The following RAB38 variants were observed in gnomAD, a reference collection of about 807,000 sequenced individuals.
The protein encoded by RAB38 is ras-related protein Rab-38.
RAB38 carries 15 observed loss-of-function variants against 18.4 expected under a neutral mutation model. The observed-to-expected ratio is 0.82, with a 90% CI of 0.55 to 1.26. The LOEUF (loss-of-function observed/expected upper bound fraction) is 1.26, where lower values mean the gene tolerates loss of function less well. Among genes scored for constraint, RAB38 ranks in the 50% most tolerant of loss-of-function variants. RAB38 has a pLI of 0.00. For missense variants in RAB38, 294 were observed against 267.4 expected (o/e 1.10, Z -0.69); for synonymous variants, 101 against 104.4 (o/e 0.97, Z 0.20).
At chr11:87,833,919 G>A in the RAB38 span, among the ~76,000 whole-genome samples, 1 of 152,192 alleles carries the variant, frequency 6.6e-6, no homozygotes, top group Non-Finnish European at 1.5e-5. Context: ...TGCAATTAAG[G>A]TTATTACTCA....
chr11:87,876,110 TA>T, the RAB38 span, among the ~76,000 whole-genome samples: 1 of 151,606 alleles, frequency 6.6e-6, no homozygotes, highest in Non-Finnish European at 1.5e-5. Flanking sequence ...TAATTTCCTC[TA>T]ATATTTCAAT....
intron 1 of RAB38, among the ~76,000 whole-genome samples, chr11:88,163,194 G>A (rs1313722936): frequency 6.6e-6 from 1 of 151,880 alleles, no homozygotes; most frequent in Non-Finnish European, 1.5e-5. Context: ...TACTATATTC[G>A]GTGTCTCCAT....
At chr11:87,899,312 G>T in the RAB38 span, among the ~76,000 whole-genome samples, 5 of 151,596 alleles carry the variant, frequency 3.3e-5, no homozygotes, top group African/African-American at 1.2e-4. Flanking sequence ...GCAGATGAAA[G>T]GCACAGGGGC....
chr11:88,059,743 C>T, the RAB38 span, among the ~76,000 whole-genome samples: 2 of 152,188 alleles, frequency 1.3e-5, no homozygotes, highest in East Asian at 3.9e-4. Flanking sequence ...TCCTGGAGCT[C>T]CCTGACACCT....
chr11:88,050,836 T>A, the RAB38 span, among the ~76,000 whole-genome samples: 1 of 152,248 alleles, frequency 6.6e-6, no homozygotes, highest in East Asian at 1.9e-4. Context: ...ATATAATTAG[T>A]AACAGGAAGG....
the RAB38 span, among the ~76,000 whole-genome samples, chr11:87,913,119 C>T: frequency 2.0e-5 from 3 of 151,930 alleles, no homozygotes; most frequent in Admixed American, 6.6e-5. Flanking sequence ...TACAGTCTAA[C>T]TTGGTAAATG....
chr11:87,863,665 C>T, the RAB38 span, among the ~76,000 whole-genome samples: 1 of 151,728 alleles, frequency 6.6e-6, no homozygotes, highest in Non-Finnish European at 1.5e-5. Flanking sequence ...GTTTATCATT[C>T]ATTGCTTGAT....
At chr11:88,119,652 C>A (rs1344586545) in intron 2 of RAB38, among the ~76,000 whole-genome samples, 5 of 150,528 alleles carry the variant, frequency 3.3e-5, no homozygotes, top group African/African-American at 4.9e-5. Context: ...AATCTTTGAC[C>A]CCCAGCACCA....
the RAB38 span, among the ~76,000 whole-genome samples, chr11:88,070,513 T>C: frequency 6.6e-6 from 1 of 152,172 alleles, no homozygotes; most frequent in South Asian, 2.1e-4. Flanking sequence ...CTAAACCATT[T>C]TCAGAATTTC....
chr11:87,950,212 C>T, the RAB38 span, among the ~76,000 whole-genome samples: 1 of 152,078 alleles, frequency 6.6e-6, no homozygotes, highest in African/African-American at 2.4e-5. Context: ...ATTGCAACCC[C>T]TGCCTTTTTT....
At chr11:87,822,540 C>T in the RAB38 span, among the ~76,000 whole-genome samples, 1 of 152,188 alleles carries the variant, frequency 6.6e-6, no homozygotes. Flanking sequence ...CTCAGAAGGA[C>T]TTACTAGCCT....
chr11:88,025,150 G>C, the RAB38 span, among the ~76,000 whole-genome samples: 2 of 151,382 alleles, frequency 1.3e-5, no homozygotes, highest in African/African-American at 4.8e-5. Context: ...CTACTATGTA[G>C]GTGGCTGTGT....
the RAB38 span, among the ~76,000 whole-genome samples, chr11:87,814,451 T>C: frequency 2.0e-5 from 3 of 152,188 alleles, no homozygotes; most frequent in African/African-American, 7.2e-5. Flanking sequence ...AAATATACTA[T>C]GTACAATTAA....
chr11:88,161,471 T>C (rs1014693011), intron 1 of RAB38, among the ~76,000 whole-genome samples: 23 of 152,106 alleles, frequency 1.5e-4, no homozygotes, highest in Non-Finnish European at 2.5e-4. Context: ...ACACTTATTA[T>C]GCTGTGCATT....
At chr11:88,173,705 C>T (rs1943339938) in intron 1 of RAB38, 2 of 981,742 alleles carry the variant, frequency 2.0e-6, no homozygotes, top group Non-Finnish European at 2.4e-6. Flanking sequence ...CAAGAAAGTA[C>T]ACAGAGAGAA....
chr11:87,807,022 C>T, the RAB38 span, among the ~76,000 whole-genome samples: 44 of 152,264 alleles, frequency 2.9e-4, no homozygotes, highest in African/African-American at 9.6e-4. Context: ...CTGAGCTCCA[C>T]CTCCTGTCAG....
At chr11:87,923,561 G>GTGTGTGTGTGTGTGCA in the RAB38 span, among the ~76,000 whole-genome samples, 1 of 151,156 alleles carries the variant, frequency 6.6e-6, no homozygotes, top group Non-Finnish European at 1.5e-5. Context: ...GTGTGTGTGT[G>GTGTGTGTGTGTGTGCA]TGTGTGTGTG....
At chr11:88,035,006 T>TA in the RAB38 span, among the ~76,000 whole-genome samples, 1 of 152,222 alleles carries the variant, frequency 6.6e-6, no homozygotes, top group African/African-American at 2.4e-5. Context: ...TGTCGTTTTT[T>TA]AAGTATAACA....
chr11:88,109,650 A>T (rs1335372395), downstream of RAB38, among the ~76,000 whole-genome samples: 1 of 152,238 alleles, frequency 6.6e-6, no homozygotes, highest in Non-Finnish European at 1.5e-5. Flanking sequence ...TTCAGAATCT[A>T]CAAACAACTT....
Sources: allele counts gnomAD v4.1 joint callset (sites outside exome capture counted in the v4.1 genomes callset), GRCh38; gene constraint gnomAD v4.1.1; transcripts MANE v1.5; gene names NCBI Gene and HGNC (gene_info 2026-07-23, HGNC 2026-07-21).